SLC12A8: variants seen among roughly 807,000 people sequenced by gnomAD.
SLC12A8 encodes cation-chloride cotransporter 9.
In SLC12A8, 69 loss-of-function variants were observed where a neutral mutation model predicts 75.6. The observed-to-expected ratio is 0.91, with a 90% CI of 0.75 to 1.11. The LOEUF is 1.11. Ranked by LOEUF, SLC12A8 falls within the 50% of genes most tolerant of loss-of-function variation. The pLI is 0.00. For synonymous variants in SLC12A8, 365 were observed against 372.8 expected (o/e 0.98, Z 0.24); for missense variants, 877 against 896.7 (o/e 0.98, Z 0.28).
Position 125,197,215 on chromosome 3 carries a change from T to C in SLC12A8, c.52-6694A>G, listed in dbSNP as rs370602847. On this transcript the variant is annotated intron_variant, in intron 2 of 13. Transcript: ENST00000469902. ...AGCCAAATCTGGCACAATTTGGCCC[T>C]GAAAGTAAATAATAGCAATAGAATA... Among the ~76,000 whole-genome samples the C allele has an allele frequency of 1.6e-4, 25 of 152,320 alleles. 1 individual carries two copies. In the South Asian group the frequency reaches 2.5e-3, roughly 15 times the overall value.
At chr3:125,165,927 T>C (rs919604974) in intron 5 of SLC12A8, among the ~76,000 whole-genome samples, 6 of 152,186 alleles carry the variant, frequency 3.9e-5, no homozygotes, top group Admixed American at 3.3e-4. Context: ...TAAAGAATAT[T>C]GATTTTTAGC....
In SLC12A8 at chr3:125,180,653, C is replaced by T. The variant is rs546245824; in HGVS notation, c.391-2679G>A. Among the ~76,000 whole-genome samples, 318 of 152,122 alleles carry T rather than the reference C, an allele frequency of 2.1e-3. 2 individuals are homozygous for T. Among genetic ancestry groups the T allele is most frequent in the African/African-American group, 7.1e-3 (294 of 41,506 alleles). On this transcript the variant is annotated intron_variant, in intron 4 of 13. Transcript: ENST00000469902. ...TTGCAGTGAGCTGAGATCACGCCAC[C>T]GCACTCCAGCCTGGGCAGAAAATAA...
intron 10 of SLC12A8, among the ~76,000 whole-genome samples, chr3:125,100,742 G>T (rs568739863): frequency 5.3e-5 from 8 of 150,098 alleles, no homozygotes; most frequent in African/African-American, 1.9e-4. Context: ...GGCCGGGCGC[G>T]GTGGCTCACG....
At chr3:125,098,946 TG>T (rs1345463388) in intron 10 of SLC12A8, among the ~76,000 whole-genome samples, 3 of 152,142 alleles carry the variant, frequency 2.0e-5, no homozygotes, top group Non-Finnish European at 2.9e-5. Context: ...AGAAATTTAA[TG>T]GGGAGATCCT....
chr3:125,113,157 G>A (rs1393833309), intron 8 of SLC12A8, among the ~76,000 whole-genome samples: 1 of 152,112 alleles, frequency 6.6e-6, no homozygotes, highest in Middle Eastern at 3.2e-3. Context: ...TGAGCCTCTG[G>A]CACCATGAGT....
At position 125,106,356 on chromosome 3, in the gene SLC12A8, T is replaced by TTTG. The variant is rs1553786563; in HGVS notation, c.1705+1122_1705+1124dup. Reference sequence around the variant, plus strand: ...TTAAAACACTAGGTTTTTGGGGTTTTTTGTTGTTGTTGTTGTTTTGTTTTG... The same window carrying TTTG: ...TTAAAACACTAGGTTTTTGGGGTTTTTTGTTGTTGTTGTTGTTGTTTTGTTTTG... On this transcript the variant is annotated intron_variant, in intron 10 of 13. Transcript: ENST00000469902. Among the ~76,000 whole-genome samples, 1,445 of 151,940 alleles carry TTTG rather than the reference T, an allele frequency of 9.5e-3. 18 individuals carry two copies. The highest frequency in any genetic ancestry group is 0.032 in the African/African-American group (1,331 of 41,386).
chr3:125,152,641 C>T (rs1344403033), intron 5 of SLC12A8, among the ~76,000 whole-genome samples: 1 of 152,032 alleles, frequency 6.6e-6, no homozygotes, highest in African/African-American at 2.4e-5. Flanking sequence ...AACCACCCCT[C>T]CCCCCAAACT....
In SLC12A8 at chr3:125,091,481, C is replaced by T. The variant is rs746525353; in HGVS notation, c.1879G>A (p.Val627Met). 41 of 1,613,790 alleles carry T rather than the reference C, an allele frequency of 2.5e-5. No homozygotes were observed. Among genetic ancestry groups the T allele is most frequent in the South Asian group, 7.7e-5 (7 of 91,064 alleles). Residue 627 changes from valine (V) to methionine (M), a missense_variant, in exon 12 of 14, where the codon GTG (valine) becomes ATG (methionine). By Grantham distance (21) the Val-to-Met change is conservative (BLOSUM62 1). Transcript: ENST00000469902. ...TLVNMGVAAI[V>M]YFYIGRASPG... is the part of the protein sequence containing the mutation. ...CTGGCCCGGCCAATGTAGAAATACA[C>T]GATGGCAGCAACACCCATGTTAACC...
At position 125,124,938 on chromosome 3, in the gene SLC12A8, G is replaced by A. The variant is rs184562109; in HGVS notation, c.737-4252C>T. On this transcript the variant is annotated intron_variant, in intron 6 of 13. Coordinates refer to ENST00000469902, the MANE Select transcript of SLC12A8 (RefSeq NM_024628.6). ...TTTCCCAGAGCATTAGTGCCCAGGTGTTTTACAAATATTACATTTTTTAAA... is the reference window on the plus strand; with the variant it reads ...TTTCCCAGAGCATTAGTGCCCAGGTATTTTACAAATATTACATTTTTTAAA... 7.9e-5 allele frequency among the ~76,000 whole-genome samples: 12 copies of A among 152,232 alleles called. No homozygotes were observed. The East Asian group carries it at 1.5e-3, about 20-fold the overall frequency.
chr3:125,130,853 C>G (rs935587800), intron 6 of SLC12A8, among the ~76,000 whole-genome samples: 2 of 152,200 alleles, frequency 1.3e-5, no homozygotes, highest in Non-Finnish European at 2.9e-5. Context: ...AGGGGCACAT[C>G]AGGGCCACAT....
chr3:125,141,666 GGGCTGCA>G (rs1444267897), intron 5 of SLC12A8, among the ~76,000 whole-genome samples: 6 of 151,600 alleles, frequency 4.0e-5, no homozygotes, highest in East Asian at 3.9e-4. Flanking sequence ...AATGATGCTG[GGGCTGCA>G]GGCTGCGGGC....
At chr3:125,084,249 A>AG (rs1938402302) in intron 13 of SLC12A8, among the ~76,000 whole-genome samples, 197 bp from the exon 14 acceptor site, 2 of 92,590 alleles carry the variant, frequency 2.2e-5, no homozygotes, top group Non-Finnish European at 4.1e-5. Context: ...AATAAAATAA[A>AG]AAGAGACAGA....
intron 2 of SLC12A8, among the ~76,000 whole-genome samples, chr3:125,192,351 C>A (rs1934925029): frequency 6.6e-6 from 1 of 152,136 alleles, no homozygotes; most frequent in Non-Finnish European, 1.5e-5. Flanking sequence ...CTTCCCCCAG[C>A]ACTTGTAAGA....
At chr3:125,210,626 G>A (rs981712428) in intron 2 of SLC12A8, among the ~76,000 whole-genome samples, 10 of 152,166 alleles carry the variant, frequency 6.6e-5, no homozygotes, top group Non-Finnish European at 1.2e-4. Context: ...TACAAGGCTG[G>A]GAAACCCTCC....
intron 5 of SLC12A8, among the ~76,000 whole-genome samples, chr3:125,175,692 G>T (rs961086275): frequency 2.0e-5 from 3 of 151,212 alleles, no homozygotes; most frequent in Admixed American, 2.0e-4. Context: ...ACAGTTTGAT[G>T]AGCCAAAGGC....
At chr3:125,108,517 C>T (rs1412081046) in intron 9 of SLC12A8, among the ~76,000 whole-genome samples, 1 of 152,100 alleles carries the variant, frequency 6.6e-6, no homozygotes, top group African/African-American at 2.4e-5. Flanking sequence ...TACAGGTGCA[C>T]ACCACCATGC....
At chr3:125,157,897 C>T (rs777605731) in intron 5 of SLC12A8, among the ~76,000 whole-genome samples, 6 of 152,160 alleles carry the variant, frequency 3.9e-5, no homozygotes, top group Non-Finnish European at 8.8e-5. Context: ...TGTGTATCCT[C>T]AATTTCTAGC....
At chr3:125,091,019 T>G (rs566899198) in intron 12 of SLC12A8, among the ~76,000 whole-genome samples, 1 of 152,360 alleles carries the variant, frequency 6.6e-6, no homozygotes, top group South Asian at 2.1e-4. Flanking sequence ...TGCCTTATTT[T>G]GATTGAGTAC....
At chr3:125,177,153 G>T (rs376731703) in intron 5 of SLC12A8, among the ~76,000 whole-genome samples, 18 of 151,942 alleles carry the variant, frequency 1.2e-4, no homozygotes, top group Non-Finnish European at 1.8e-4. Context: ...CCATAAAAAA[G>T]GATGAGTTCA....
Sources: gnomAD v4.1 joint callset for allele counts (sites outside exome capture counted in the v4.1 genomes callset) on GRCh38, gnomAD v4.1.1 for gene constraint, MANE v1.5 for transcripts, NCBI Gene and HGNC (gene_info 2026-07-23, HGNC 2026-07-21) for gene names.